CFAP299: variants seen among roughly 807,000 people sequenced by gnomAD.
CFAP299 encodes cilia- and flagella-associated protein 299.
CFAP299 carries 21 observed loss-of-function variants against 27.0 expected under a neutral mutation model. The observed-to-expected ratio is 0.78, with a 90% CI of 0.55 to 1.12. The LOEUF is 1.12. Among genes scored for constraint, CFAP299 ranks in the 50% most tolerant of loss-of-function variants. CFAP299 has a pLI of 0.00. For missense variants in CFAP299, 310 were observed against 276.6 expected, an observed-to-expected ratio of 1.12 and a Z score of -0.86; for synonymous variants, 104 against 98.1, an observed-to-expected ratio of 1.06 and a Z score of -0.36.
chr4:80,757,697 TG>T (rs1459938653), intron 3 of CFAP299, among the ~76,000 whole-genome samples: 8 of 151,632 alleles, frequency 5.3e-5, no homozygotes, highest in African/African-American at 2.0e-4. Context: ...TCAGGTTTTT[TG>T]TTTTTTTTGT....
chr4:80,942,698 G>A (rs76020531), intron 4 of CFAP299, among the ~76,000 whole-genome samples: 5,174 of 152,114 alleles, frequency 0.034, 200 homozygotes, highest in African/African-American at 0.096. Flanking sequence ...CAACAAGATA[G>A]GAATGTGTAA....
chr4:80,468,161 T>C (rs1469528348), intron 2 of CFAP299, among the ~76,000 whole-genome samples: 1 of 152,174 alleles, frequency 6.6e-6, no homozygotes, highest in African/African-American at 2.4e-5. Flanking sequence ...GTAATCCGGA[T>C]TTTTTACTTA....
At chr4:80,447,115 A>G (rs376324535) in intron 2 of CFAP299, among the ~76,000 whole-genome samples, 8 of 91,724 alleles carry the variant, frequency 8.7e-5, no homozygotes, top group Admixed American at 2.1e-4. Flanking sequence ...TTTGCTTTTT[A>G]TTTGTTTTTT....
At chr4:80,857,471 CCT>C (rs1276480641) in intron 3 of CFAP299, among the ~76,000 whole-genome samples, 1 of 152,096 alleles carries the variant, frequency 6.6e-6, no homozygotes, top group African/African-American at 2.4e-5. Flanking sequence ...AGAGGGCATC[CCT>C]GTCTTGTGCC....
At chr4:80,657,888 TC>T (rs1740643674) in intron 3 of CFAP299, among the ~76,000 whole-genome samples, 1 of 152,190 alleles carries the variant, frequency 6.6e-6, no homozygotes, top group South Asian at 2.1e-4. Flanking sequence ...TTGGTTTGTG[TC>T]CTCTCAAATA....
At chr4:80,720,464 C>T (rs1254959557) in intron 3 of CFAP299, among the ~76,000 whole-genome samples, 5 of 152,114 alleles carry the variant, frequency 3.3e-5, no homozygotes, top group African/African-American at 1.2e-4. Context: ...TCTAACTACT[C>T]TTACTTTTAA....
intron 4 of CFAP299, among the ~76,000 whole-genome samples, chr4:80,891,025 A>G (rs1188180924): frequency 2.6e-5 from 4 of 151,834 alleles, no homozygotes; most frequent in Non-Finnish European, 5.9e-5. Flanking sequence ...GTTCACTCTG[A>G]CGGTAGTTTC....
At chr4:80,542,572 T>C (rs1006307919) in intron 2 of CFAP299, among the ~76,000 whole-genome samples, 2 of 152,128 alleles carry the variant, frequency 1.3e-5, no homozygotes, top group Non-Finnish European at 2.9e-5. Flanking sequence ...CTATGTTAGC[T>C]GCCAGACCTG....
chr4:80,447,846 A>G (rs1025461720), intron 2 of CFAP299, among the ~76,000 whole-genome samples: 1 of 152,138 alleles, frequency 6.6e-6, no homozygotes, highest in South Asian at 2.1e-4. Context: ...TCAGTTTTCT[A>G]TACTCTGGCC....
chr4:80,842,604 G>A (rs34394992), intron 3 of CFAP299, among the ~76,000 whole-genome samples: 43,340 of 151,998 alleles, frequency 0.29, 7,745 homozygotes, highest in African/African-American at 0.5. Flanking sequence ...ACTAGTAAAT[G>A]TTATATTCTA....
At chr4:80,491,471 A>G (rs1731128900) in intron 2 of CFAP299, among the ~76,000 whole-genome samples, 1 of 152,198 alleles carries the variant, frequency 6.6e-6, no homozygotes, top group Non-Finnish European at 1.5e-5. Flanking sequence ...TAGGACTTAC[A>G]GATAATATAG....
At chr4:80,768,734 ATTGT>A (rs1456675432) in intron 3 of CFAP299, among the ~76,000 whole-genome samples, 2 of 152,154 alleles carry the variant, frequency 1.3e-5, no homozygotes, top group Non-Finnish European at 2.9e-5. Context: ...TTCAATATAT[ATTGT>A]TTAAGTTTCT....
chr4:80,774,887 A>G (rs1726435452), intron 3 of CFAP299, among the ~76,000 whole-genome samples: 1 of 151,984 alleles, frequency 6.6e-6, no homozygotes, highest in South Asian at 2.1e-4. Flanking sequence ...TTAAAAAATT[A>G]GGATGAATTC....
At chr4:80,665,833 A>G (rs1741119823) in intron 3 of CFAP299, among the ~76,000 whole-genome samples, 1 of 152,062 alleles carries the variant, frequency 6.6e-6, no homozygotes, top group South Asian at 2.1e-4. Flanking sequence ...CAGAATAGTG[A>G]GTGAGTCCTT....
At chr4:80,552,046 G>T (rs1238973775) in intron 2 of CFAP299, among the ~76,000 whole-genome samples, 4 of 152,162 alleles carry the variant, frequency 2.6e-5, no homozygotes, top group African/African-American at 7.2e-5. Context: ...ACCATGCCCG[G>T]CCCGAAAGCT....
intron 2 of CFAP299, among the ~76,000 whole-genome samples, chr4:80,499,559 A>G (rs548855679): frequency 1.3e-5 from 2 of 151,386 alleles, no homozygotes; most frequent in African/African-American, 4.9e-5. Context: ...CCCTTTTTGT[A>G]TTTTGATTTA....
At chr4:80,838,960 C>G (rs1206799081) in intron 3 of CFAP299, among the ~76,000 whole-genome samples, 2 of 152,072 alleles carry the variant, frequency 1.3e-5, no homozygotes, top group African/African-American at 4.8e-5. Context: ...TTACAATGAG[C>G]CTGGACTGAT....
At position 80,468,223 on chromosome 4, in the gene CFAP299, CT is replaced by C. The variant is rs113555359; in HGVS notation, c.242+105353del. On this transcript the variant is annotated intron_variant, in intron 2 of 5. Coordinates refer to ENST00000358105, the MANE Select transcript of CFAP299 (RefSeq NM_152770.3). ...TTAAAATATGTCAAAGTTATAATTT[CT>C]TTTTTTTTTTTTTGAGACAGAATCT... 2.2e-3 allele frequency among the ~76,000 whole-genome samples: 315 copies of C among 143,604 alleles called. 1 individual carries two copies. Among genetic ancestry groups the C allele is most frequent in the South Asian group, 5.4e-3 (24 of 4,476 alleles). 94.2% of individuals were successfully genotyped at this position (143,604 alleles called of 152,430 possible). A position where few individuals can be genotyped will look rare whatever the true frequency, so the allele number is the denominator to read the frequency against.
chr4:80,787,184 G>A (rs1026793034), intron 3 of CFAP299, among the ~76,000 whole-genome samples: 3 of 148,620 alleles, frequency 2.0e-5, no homozygotes, highest in Non-Finnish European at 3.0e-5. Context: ...CTTATCTCCT[G>A]GGCTGGGCAT....
Sources: gnomAD v4.1 joint callset for allele counts (sites outside exome capture counted in the v4.1 genomes callset) on GRCh38, gnomAD v4.1.1 for gene constraint, MANE v1.5 for transcripts, NCBI Gene and HGNC (gene_info 2026-07-23, HGNC 2026-07-21) for gene names.